Variants in FNIP1 observed in about 807,000 individuals in gnomAD.
The protein encoded by FNIP1 is folliculin-interacting protein 1.
A neutral mutation model predicts 124.5 loss-of-function variants in FNIP1; 40 were observed. The observed-to-expected ratio is 0.32, with a 90% confidence interval of 0.25 to 0.42. The LOEUF is 0.42. Ranked by LOEUF, FNIP1 falls within the 10% of genes least tolerant of loss-of-function variation. FNIP1 has a pLI of 1.00. For synonymous variants in FNIP1, 472 were observed against 470.6 expected, an observed-to-expected ratio of 1.00 and a Z score of -0.04; for missense variants, 1,176 against 1,403.7, an observed-to-expected ratio of 0.84 and a Z score of 2.59.
Position 131,670,456 on chromosome 5 carries a change from C to A in FNIP1, c.3108+7G>T. 1 of 1,569,348 alleles carries A rather than the reference C, an allele frequency of 6.4e-7. No homozygotes were observed. The highest frequency in any genetic ancestry group is 2.3e-5 in the East Asian group (1 of 43,686). On this transcript the variant is annotated splice_region_variant and intron_variant, in intron 15 of 17. Transcript: ENST00000510461. ...AAATAAACTCAAAAACAGTGAAGGTCACTCACCTGCACAGCATGAGATAAA... is the reference window on the plus strand; with the variant it reads ...AAATAAACTCAAAAACAGTGAAGGTAACTCACCTGCACAGCATGAGATAAA...
intron 1 of FNIP1, among the ~76,000 whole-genome samples, chr5:131,785,101 CTATA>C (rs527639857): frequency 1.7e-4 from 3 of 17,984 alleles, no homozygotes; most frequent in Non-Finnish European, 4.9e-4. Flanking sequence ...ATATATATGA[CTATA>C]TATATATCAT....
chr5:131,767,493 G>A (rs921397331), intron 1 of FNIP1, among the ~76,000 whole-genome samples: 4 of 147,182 alleles, frequency 2.7e-5, no homozygotes, highest in African/African-American at 9.9e-5. Flanking sequence ...GACCATCAGT[G>A]ACAAGACATC....
intron 10 of FNIP1, among the ~76,000 whole-genome samples, chr5:131,699,833 T>C (rs1272267687): frequency 7.2e-6 from 1 of 138,660 alleles, no homozygotes; most frequent in Non-Finnish European, 1.5e-5. Flanking sequence ...TGAGAATCGC[T>C]TGAACCCAGA....
intron 16 of FNIP1, among the ~76,000 whole-genome samples, chr5:131,649,904 A>G (rs770838203): frequency 1.1e-4 from 17 of 152,152 alleles, no homozygotes; most frequent in Non-Finnish European, 2.2e-4. Flanking sequence ...TGGTCTTGGC[A>G]CTTTTGTTGA....
intron 2 of FNIP1, among the ~76,000 whole-genome samples, chr5:131,735,983 T>C (rs560923214): frequency 6.6e-5 from 10 of 152,220 alleles, no homozygotes; most frequent in East Asian, 3.9e-4. Context: ...CCTAGGCTGG[T>C]GTCAAACTCC....
At chr5:131,713,238 G>C (rs1769358331) in intron 6 of FNIP1, among the ~76,000 whole-genome samples, 1 of 152,006 alleles carries the variant, frequency 6.6e-6, no homozygotes, top group Non-Finnish European at 1.5e-5. Context: ...CAAAAGAATG[G>C]GGTTTCACCA....
In FNIP1 at chr5:131,796,635, G is replaced by C. The variant is rs1235963672; in HGVS notation, c.92+195C>G. ...GGGAAGGGGCAACGGCGAGGCGGGT[G>C]GGGTAAAATAAAAGGTAGGACCTCG... is the stretch of plus-strand genomic sequence containing the variant. On this transcript the variant is annotated intron_variant, in intron 1 of 17. Coordinates refer to ENST00000510461, the MANE Select transcript of FNIP1 (RefSeq NM_133372.3). The C allele has an allele frequency of 7.6e-5, 44 of 575,500 alleles. No homozygotes were observed. The South Asian group carries it at 8.7e-4, about 11-fold the overall frequency. 35.6% of individuals were successfully genotyped at this position (575,500 alleles called of 1,614,324 possible).
At chr5:131,694,601 G>C (rs1020036197) in intron 11 of FNIP1, among the ~76,000 whole-genome samples, 3 of 152,046 alleles carry the variant, frequency 2.0e-5, no homozygotes, top group African/African-American at 7.3e-5. Flanking sequence ...TAGTGGGTAG[G>C]GATAAACAGG....
In FNIP1 at chr5:131,722,006, G is replaced by T. The variant is rs146854928; in HGVS notation, c.355-2589C>A. On this transcript the variant is annotated intron_variant, in intron 3 of 17. Transcript: ENST00000510461. Reference sequence around the variant, plus strand: ...ATTTTTTGAAGTCCAGTTTGTTTTAGGGCAGTAATGTGCACAAATGAAAAA... The same window carrying T: ...ATTTTTTGAAGTCCAGTTTGTTTTATGGCAGTAATGTGCACAAATGAAAAA... 3.9e-5 allele frequency among the ~76,000 whole-genome samples: 6 copies of T among 152,110 alleles called. No individual in the cohort carries two copies. In the East Asian group the frequency reaches 1.2e-3, roughly 29 times the overall value.
chr5:131,664,533 A>C (rs2149511330), intron 15 of FNIP1, among the ~76,000 whole-genome samples: 1 of 151,312 alleles, frequency 6.6e-6, no homozygotes, highest in Non-Finnish European at 1.5e-5. Context: ...CTACTGGGCA[A>C]GCTGAGATGG....
At chr5:131,728,436 ATC>A (rs1429805044) in intron 3 of FNIP1, among the ~76,000 whole-genome samples, 4 of 151,822 alleles carry the variant, frequency 2.6e-5, no homozygotes, top group Non-Finnish European at 5.9e-5. Flanking sequence ...TTGATCTTCA[ATC>A]TCTGATATCC....
intron 15 of FNIP1, among the ~76,000 whole-genome samples, chr5:131,652,742 G>C (rs1767078288): frequency 6.6e-6 from 1 of 152,102 alleles, no homozygotes; most frequent in African/African-American, 2.4e-5. Context: ...TGGGAGGACT[G>C]CTTAAGGCCA....
At chr5:131,743,720 T>C (rs945668987) in intron 2 of FNIP1, among the ~76,000 whole-genome samples, 4 of 152,142 alleles carry the variant, frequency 2.6e-5, no homozygotes, top group African/African-American at 9.7e-5. Context: ...AAGAGTTCTC[T>C]TGCCTTCTTT....
At chr5:131,791,800 GC>G (rs1772413611) in intron 1 of FNIP1, among the ~76,000 whole-genome samples, 1 of 152,010 alleles carries the variant, frequency 6.6e-6, no homozygotes, top group African/African-American at 2.4e-5. Context: ...ACTAAGAATG[GC>G]TTTTATTAAG....
intron 1 of FNIP1, among the ~76,000 whole-genome samples, chr5:131,760,373 A>C (rs1771186699): frequency 6.6e-6 from 1 of 152,230 alleles, no homozygotes; most frequent in Admixed American, 6.5e-5. Context: ...ATTGTCACCT[A>C]TAAGGAAAAT....
intron 10 of FNIP1, among the ~76,000 whole-genome samples, chr5:131,699,519 G>C: frequency 6.7e-6 from 1 of 150,174 alleles, no homozygotes; most frequent in South Asian, 2.1e-4. Flanking sequence ...TCAGTCTCCC[G>C]AGTAGCTGGG....
intron 2 of FNIP1, among the ~76,000 whole-genome samples, chr5:131,741,138 C>T (rs1021857723): frequency 2.0e-5 from 3 of 152,158 alleles, no homozygotes; most frequent in African/African-American, 4.8e-5. Context: ...TTTCACTTTA[C>T]GGATTTGCCC....
In FNIP1 at chr5:131,657,997, C is replaced by T. The variant is rs367689606; in HGVS notation, c.3109-5998G>A. The stretch of plus-strand genomic sequence containing the variant: ...CGGAGCCTGCAGTGAGCCAAGATCA[C>T]GCCACTGCACTCCAGCCTGGGCAAC... On this transcript the variant is annotated intron_variant, in intron 15 of 17. Transcript: ENST00000510461. Among the ~76,000 whole-genome samples, 681 of 149,048 alleles carry T rather than the reference C, an allele frequency of 4.6e-3. 11 individuals carry two copies. Among genetic ancestry groups the T allele is most frequent in the African/African-American group, 0.016 (637 of 40,318 alleles).
chr5:131,770,911 A>C (rs1771610090), intron 1 of FNIP1, among the ~76,000 whole-genome samples: 1 of 152,208 alleles, frequency 6.6e-6, no homozygotes, highest in South Asian at 2.1e-4. Context: ...AGGAAAGATG[A>C]ATTAGAAACA....
Sources: allele counts gnomAD v4.1 joint callset (sites outside exome capture counted in the v4.1 genomes callset), GRCh38; gene constraint gnomAD v4.1.1; transcripts MANE v1.5; gene names NCBI Gene and HGNC (gene_info 2026-07-23, HGNC 2026-07-21).